PI4KA: variants seen among roughly 807,000 people sequenced by gnomAD.
The protein encoded by PI4KA is PI4-kinase alpha.
Under a neutral mutation model 271.4 loss-of-function variants are expected in PI4KA, and 122 were observed. That is an observed-to-expected ratio of 0.45 (90% CI 0.39 to 0.52). PI4KA has a LOEUF of 0.52. Among genes scored for constraint, PI4KA ranks in the 20% least tolerant of loss-of-function variants. PI4KA has a pLI of 0.00. For synonymous variants in PI4KA, 1,041 were observed against 1,078.8 expected (o/e 0.96, Z 0.69); for missense variants, 1,969 against 2,769.1 (o/e 0.71, Z 6.48).
intron 47 of PI4KA, 82 bp downstream of exon 47, chr22:20,714,376 A>G: frequency 2.0e-6 from 3 of 1,511,164 alleles, no homozygotes; most frequent in Non-Finnish European, 2.7e-6. Context: ...GAGCTATACT[A>G]AATTTAACAC....
At chr22:20,767,153 A>C (rs1035563954) in intron 19 of PI4KA, among the ~76,000 whole-genome samples, 1 of 152,184 alleles carries the variant, frequency 6.6e-6, no homozygotes, top group African/African-American at 2.4e-5. Context: ...TTAAAAGTAT[A>C]ATAAATTGGC....
Position 20,820,370 on chromosome 22 carries a change from T to C in PI4KA, c.529+169A>G, listed in dbSNP as rs574021438. On this transcript the variant is annotated intron_variant, in intron 5 of 54. Transcript: ENST00000255882. ...CGTCTATGTAGCAGAGCAATGCACA[T>C]GACCCCATGTGGCCTCTGAGGATAC... Among the ~76,000 whole-genome samples, 396 of 152,226 alleles carry C rather than the reference T, an allele frequency of 2.6e-3. 10 individuals are homozygous for C. The South Asian group carries it at 0.04, about 16-fold the overall frequency.
At chr22:20,726,369 G>T in intron 42 of PI4KA, 119 bp downstream of exon 42, 2 of 790,652 alleles carry the variant, frequency 2.5e-6, no homozygotes, top group Non-Finnish European at 3.8e-6. Context: ...GGACTGCTGG[G>T]CAGCCCTGCC....
chr22:20,726,387 A>C (rs562142203), intron 42 of PI4KA, 101 bp downstream of exon 42: 18 of 1,020,124 alleles, frequency 1.8e-5, no homozygotes, highest in Admixed American at 3.9e-5. Context: ...GCCCCTGAGG[A>C]GGCTCTGAGG....
At position 20,824,404 on chromosome 22, in the gene PI4KA, C is replaced by T. The variant is rs1250722177; in HGVS notation, c.378G>A (p.Pro126=). 1.9e-6 allele frequency: 3 copies of T among 1,612,076 alleles called. No homozygotes were observed. The highest frequency in any genetic ancestry group is 2.7e-5 in the African/African-American group (2 of 74,812). Residue 126 remains proline, a synonymous_variant, in exon 4 of 55, where the codon CCG becomes CCA. Transcript: ENST00000255882. ...STARKGRGAL[P]VAESFSFCLV... is the part of the protein sequence containing the mutation. ...AGCAGAAGCTGAAGCTCTCTGCAAC[C>T]GGGAGGGCACCTGGAAGATGTAAAA...
At chr22:20,837,843 C>T (rs1315254416) in intron 2 of PI4KA, among the ~76,000 whole-genome samples, 1 of 152,018 alleles carries the variant, frequency 6.6e-6, no homozygotes, top group Non-Finnish European at 1.5e-5. Flanking sequence ...CATGATGGCT[C>T]ACACGTGGTT....
At position 20,770,531 on chromosome 22, in the gene PI4KA, A is replaced by G. The variant is rs930819533; in HGVS notation, c.2329-4838T>C. ...TCCGTCTCAAAAAAAAAAAAAAAAA[A>G]AGAGAGAGAGAGAGATCGGTTTTGC... On this transcript the variant is annotated intron_variant, in intron 19 of 54. Transcript: ENST00000255882. Among the ~76,000 whole-genome samples, 246 of 100,106 alleles carry G rather than the reference A, an allele frequency of 2.5e-3. 7 individuals are homozygous for G. The highest frequency in any genetic ancestry group is 8.2e-3 in the African/African-American group (185 of 22,668). The allele number at this position is 100,106 out of a possible 152,430, so 65.7% of individuals were successfully genotyped here.
intron 47 of PI4KA, 61 bp from the exon 48 acceptor site, chr22:20,713,451 C>G: frequency 7.7e-7 from 1 of 1,301,366 alleles, no homozygotes; most frequent in South Asian, 1.3e-5. Flanking sequence ...TCTGAGGGGG[C>G]CAGGGATGAG....
At chr22:20,740,306 G>C (rs1056543727) in intron 32 of PI4KA, among the ~76,000 whole-genome samples, 2 of 150,936 alleles carry the variant, frequency 1.3e-5, no homozygotes, top group Non-Finnish European at 3.0e-5. Context: ...GAAAAACCCT[G>C]AAAAACTGAA....
intron 1 of PI4KA, among the ~76,000 whole-genome samples, chr22:20,844,536 A>G (rs531650910): frequency 1.5e-3 from 232 of 152,362 alleles, no homozygotes; most frequent in Non-Finnish European, 3.0e-3. Context: ...AACTAATAAA[A>G]ATAATACAAC....
chr22:20,798,831 T>A, intron 16 of PI4KA, 144 bp from the exon 17 acceptor site: 1 of 655,520 alleles, frequency 1.5e-6, no homozygotes, highest in Non-Finnish European at 2.7e-6. Context: ...TCTAAAGCTT[T>A]AATCAAACCT....
At position 20,783,740 on chromosome 22, in the gene PI4KA, C is replaced by T. The variant is rs117144318; in HGVS notation, c.2328+9453G>A. 3.3e-5 allele frequency among the ~76,000 whole-genome samples: 5 copies of T among 152,298 alleles called. No individual in the cohort carries two copies. In the East Asian group the frequency reaches 9.6e-4, roughly 29 times the overall value. Reference sequence around the variant, plus strand: ...CCTTACCATGGTCAAACAACTAGTTCGTATCAGACCCTACTCCAGAAACTA... The same window carrying T: ...CCTTACCATGGTCAAACAACTAGTTTGTATCAGACCCTACTCCAGAAACTA... On this transcript the variant is annotated intron_variant, in intron 19 of 54. Transcript: ENST00000255882.
intron 19 of PI4KA, among the ~76,000 whole-genome samples, chr22:20,791,971 C>T (rs902172645): frequency 3.9e-5 from 6 of 151,986 alleles, no homozygotes; most frequent in Non-Finnish European, 7.4e-5. Context: ...CGTGGTAGGG[C>T]GTGCTTGTAA....
chr22:20,848,293 T>C (rs1408989087), intron 1 of PI4KA, among the ~76,000 whole-genome samples: 1 of 143,896 alleles, frequency 6.9e-6, no homozygotes, highest in African/African-American at 2.6e-5. Context: ...CAAACTAACC[T>C]ACAAATTCAA....
intron 43 of PI4KA, 23 bp downstream of exon 43, chr22:20,721,275 C>T (rs1926707756): frequency 1.2e-6 from 2 of 1,613,320 alleles, no homozygotes; most frequent in South Asian, 1.1e-5. Context: ...TAAGTGAGGC[C>T]TGTGGGAGGA....
At chr22:20,762,978 G>A (rs558129951) in intron 22 of PI4KA, among the ~76,000 whole-genome samples, 44 of 124,556 alleles carry the variant, frequency 3.5e-4, no homozygotes, top group Non-Finnish European at 6.5e-4. Context: ...CTACAGGCAT[G>A]TGCCACCACA....
intron 18 of PI4KA, 50 bp from the exon 19 acceptor site, chr22:20,793,293 TAAA>T: frequency 3.6e-6 from 3 of 828,866 alleles, no homozygotes; most frequent in Non-Finnish European, 5.7e-6. Flanking sequence ...TTTCTTTTAT[TAAA>T]AAAAAAAAAC....
intron 19 of PI4KA, among the ~76,000 whole-genome samples, chr22:20,772,156 G>A (rs1057012055): frequency 6.6e-6 from 1 of 152,206 alleles, no homozygotes; most frequent in Admixed American, 6.5e-5. Flanking sequence ...ACCTCATGCA[G>A]TAGGTGTAAC....
Position 20,712,689 on chromosome 22 carries a change from T to C in PI4KA, c.5676+4A>G, listed in dbSNP as rs60765843. The C allele has an allele frequency of 9.0e-3, 14,019 of 1,553,148 alleles. 1,006 individuals carry two copies. The African/African-American group carries it at 0.16, about 18-fold the overall frequency. On this transcript the variant is annotated splice_donor_region_variant and intron_variant, in intron 49 of 54. Coordinates refer to ENST00000255882, the MANE Select transcript of PI4KA (RefSeq NM_058004.4). ...GCCCTACTGGCTCCACTCAGGGAACTTACCCCAGGGGCAGTGGCCACCACG... is the reference window on the plus strand; with the variant it reads ...GCCCTACTGGCTCCACTCAGGGAACCTACCCCAGGGGCAGTGGCCACCACG...
Sources: gnomAD v4.1 joint callset for allele counts (sites outside exome capture counted in the v4.1 genomes callset) on GRCh38, gnomAD v4.1.1 for gene constraint, MANE v1.5 for transcripts, NCBI Gene and HGNC (gene_info 2026-07-23, HGNC 2026-07-21) for gene names.